SLC9A9: variants seen among roughly 807,000 people sequenced by gnomAD.
SLC9A9 encodes solute carrier family 9 member A9, also known as sodium/hydrogen exchanger 9.
SLC9A9 carries 62 observed loss-of-function variants against 77.8 expected under a neutral mutation model. The observed-to-expected ratio is 0.80, with a 90% confidence interval of 0.65 to 0.98. SLC9A9 has a LOEUF of 0.98. Among genes scored for constraint, SLC9A9 ranks in the 50% least tolerant of loss-of-function variants. The probability of loss-of-function intolerance (pLI) is 0.00; values close to 1 mark genes in which losing one functional copy is unlikely to be tolerated. For synonymous variants in SLC9A9, 320 were observed against 283.5 expected (o/e 1.13, Z -1.29); for missense variants, 775 against 774.9 (o/e 1.00, Z 0.00).
At chr3:143,619,668 G>C (rs923667790) in intron 6 of SLC9A9, among the ~76,000 whole-genome samples, 1 of 152,140 alleles carries the variant, frequency 6.6e-6, no homozygotes, top group Admixed American at 6.5e-5. Context: ...GGATAAACTA[G>C]CTCTCATTAA....
At position 143,810,269 on chromosome 3, in the gene SLC9A9, C is replaced by T. The variant is rs116282990; in HGVS notation, c.379-13366G>A. On this transcript the variant is annotated intron_variant, in intron 2 of 15. Coordinates refer to ENST00000316549, the MANE Select transcript of SLC9A9 (RefSeq NM_173653.4). ...AATTTCCAAGTTCATCAGAAGGTTA[C>T]AGATATAAAATTCTGTTTGGGTCTG... 9.1e-3 allele frequency among the ~76,000 whole-genome samples: 1,392 copies of T among 152,254 alleles called. 20 individuals are homozygous for T. The highest frequency in any genetic ancestry group is 0.031 in the African/African-American group (1,307 of 41,550).
chr3:143,493,856 T>C, intron 10 of SLC9A9, 92 bp from the exon 11 acceptor site: 2 of 937,030 alleles, frequency 2.1e-6, no homozygotes, highest in South Asian at 2.7e-5. Flanking sequence ...CAAGCTTCTC[T>C]TCATTATGAC....
intron 11 of SLC9A9, among the ~76,000 whole-genome samples, chr3:143,492,920 G>T (rs1043319463): frequency 6.6e-6 from 1 of 152,204 alleles, no homozygotes; most frequent in Non-Finnish European, 1.5e-5. Context: ...AAAGGTCTTT[G>T]AACAGGGAAA....
chr3:143,315,814 T>G (rs533562059), intron 14 of SLC9A9, among the ~76,000 whole-genome samples: 4 of 152,266 alleles, frequency 2.6e-5, no homozygotes, highest in African/African-American at 9.6e-5. Context: ...AGCTAAAATG[T>G]GTATTAATTG....
At chr3:143,685,496 T>G (rs957935175) in intron 5 of SLC9A9, among the ~76,000 whole-genome samples, 1 of 152,184 alleles carries the variant, frequency 6.6e-6, no homozygotes, top group African/African-American at 2.4e-5. Flanking sequence ...AATACTGGAT[T>G]AATACTTCTG....
At chr3:143,621,482 G>C (rs1454488244) in intron 6 of SLC9A9, among the ~76,000 whole-genome samples, 1 of 152,196 alleles carries the variant, frequency 6.6e-6, no homozygotes, top group Non-Finnish European at 1.5e-5. Context: ...TGCAGCCTCC[G>C]CTGCTGATAC....
chr3:143,578,543 G>C (rs746597727), intron 7 of SLC9A9, 42 bp downstream of exon 7: 3 of 1,613,338 alleles, frequency 1.9e-6, no homozygotes, highest in Non-Finnish European at 1.7e-6. Flanking sequence ...GATACTGACT[G>C]TTCTTGACAG....
At chr3:143,628,813 G>T (rs1560002102) in intron 6 of SLC9A9, among the ~76,000 whole-genome samples, 3 of 152,076 alleles carry the variant, frequency 2.0e-5, no homozygotes, top group South Asian at 2.1e-4. Flanking sequence ...TAGATGCTGT[G>T]AATCAGGCCC....
Position 143,795,014 on chromosome 3 carries a change from A to G in SLC9A9, c.520T>C (p.Cys174Arg). ...TYAFLGTAISCIVIGLIMYGF... is the reference protein window; with the variant it reads ...TYAFLGTAISRIVIGLIMYGF... ...AATGTCACTTACCCTATGACGATGCAGGAGATGGCAGTTCCCAAGAAGGCA... is the reference window on the plus strand; with the variant it reads ...AATGTCACTTACCCTATGACGATGCGGGAGATGGCAGTTCCCAAGAAGGCA... Residue 174 changes from cysteine to arginine, a missense_variant, in exon 4 of 16, where the codon TGC becomes CGC. Transcript: ENST00000316549. 3 of 1,614,054 alleles carry G rather than the reference A, an allele frequency of 1.9e-6. No individual in the cohort carries two copies. The highest frequency in any genetic ancestry group is 2.2e-5 in the South Asian group (2 of 91,084).
At chr3:143,790,708 C>T (rs2008192754) in intron 4 of SLC9A9, among the ~76,000 whole-genome samples, 1 of 152,086 alleles carries the variant, frequency 6.6e-6, no homozygotes, top group Non-Finnish European at 1.5e-5. Flanking sequence ...GTATTTACCT[C>T]ATAGGGGTAG....
chr3:143,845,809 A>G (rs1559825264), intron 1 of SLC9A9, among the ~76,000 whole-genome samples: 1 of 152,256 alleles, frequency 6.6e-6, no homozygotes, highest in African/African-American at 2.4e-5. Context: ...TTCTAGTAAG[A>G]GAATACATAT....
chr3:143,606,678 C>A (rs1268709593), intron 6 of SLC9A9, among the ~76,000 whole-genome samples: 1 of 150,464 alleles, frequency 6.6e-6, no homozygotes, highest in Admixed American at 6.6e-5. Context: ...AGAGTGTAAA[C>A]CATAGGCAAT....
intron 8 of SLC9A9, among the ~76,000 whole-genome samples, chr3:143,561,263 GT>G (rs1235772851): frequency 6.6e-6 from 1 of 152,110 alleles, no homozygotes; most frequent in Non-Finnish European, 1.5e-5. Flanking sequence ...ATAACAATAA[GT>G]TTATACCACA....
At chr3:143,503,339 C>T in intron 9 of SLC9A9, 1 of 304,578 alleles carries the variant, frequency 3.3e-6, no homozygotes, top group South Asian at 2.9e-5. Context: ...ATGGTCATAT[C>T]AGGAAATGAG....
chr3:143,761,906 G>A (rs942200324), intron 4 of SLC9A9, among the ~76,000 whole-genome samples: 5 of 152,166 alleles, frequency 3.3e-5, no homozygotes, highest in Admixed American at 6.5e-5. Flanking sequence ...GTTTATTGCA[G>A]CACTATTCAC....
intron 9 of SLC9A9, among the ~76,000 whole-genome samples, chr3:143,525,486 C>T (rs1157008478): frequency 6.6e-6 from 1 of 152,178 alleles, no homozygotes; most frequent in East Asian, 1.9e-4. Flanking sequence ...CTGATACTTT[C>T]TCTAGAAAGT....
At chr3:143,332,172 T>G (rs1490921823) in intron 14 of SLC9A9, among the ~76,000 whole-genome samples, 1 of 152,230 alleles carries the variant, frequency 6.6e-6, no homozygotes, top group East Asian at 1.9e-4. Context: ...TTCTGAACGT[T>G]GGGAATGGAA....
rs200968782 is a variant in SLC9A9, at chr3:143,565,714, G to GTT, written c.1000+8372_1000+8373dup. Among the ~76,000 whole-genome samples, 541 of 146,346 alleles carry GTT rather than the reference G, an allele frequency of 3.7e-3. 3 individuals carry two copies. Among genetic ancestry groups the GTT allele is most frequent in the Non-Finnish European group, 5.5e-3 (365 of 66,026 alleles). ...CTAATATTTTGAGCCTCAGGGTTTT[G>GTT]TTTTTTTTTTTCCAGCTTGGAAAAC... On this transcript the variant is annotated intron_variant, in intron 8 of 15. Coordinates refer to ENST00000316549, the MANE Select transcript of SLC9A9 (RefSeq NM_173653.4).
chr3:143,458,369 T>G (rs1422960003), intron 12 of SLC9A9, among the ~76,000 whole-genome samples: 1 of 152,148 alleles, frequency 6.6e-6, no homozygotes, highest in Non-Finnish European at 1.5e-5. Flanking sequence ...AGTCTTGTTT[T>G]TAATCTGCCT....
Sources: allele counts gnomAD v4.1 joint callset (sites outside exome capture counted in the v4.1 genomes callset), GRCh38; gene constraint gnomAD v4.1.1; transcripts MANE v1.5; gene names NCBI Gene and HGNC (gene_info 2026-07-23, HGNC 2026-07-21).